Variants in ZER1 observed in about 807,000 individuals in gnomAD.
ZER1 encodes zyg-11 related cell cycle regulator.
A neutral mutation model predicts 78.8 loss-of-function variants in ZER1; 11 were observed. The ratio of observed to expected loss-of-function variants is 0.14; its 90% CI spans 0.09 to 0.23. The LOEUF (loss-of-function observed/expected upper bound fraction) is 0.23, where lower values mean the gene tolerates loss of function less well. ZER1 is among the 10% of genes least tolerant of loss of function. The pLI is 1.00. For synonymous variants in ZER1, 400 were observed against 407.0 expected (o/e 0.98, Z 0.21); for missense variants, 588 against 996.9 (o/e 0.59, Z 5.52).
rs975548104 is a variant in ZER1, at chr9:128,755,195, C to G, written c.158+213G>C. Among the ~76,000 whole-genome samples the G allele has an allele frequency of 2.6e-5, 4 of 152,096 alleles. No homozygotes were observed. Among genetic ancestry groups the G allele is most frequent in the African/African-American group, 9.7e-5 (4 of 41,398 alleles). On this transcript the variant is annotated intron_variant, in intron 2 of 15. Transcript: ENST00000291900. This position sits in a 1 kb window ranked among gnomAD's most constrained non-coding sequence, Gnocchi z 5.6. ...CACCCATGCCTTCACGTGCACACCC[C>G]TCCACACACACACCAACACACACAC...
At chr9:128,768,985 C>T (rs889917850) in intron 1 of ZER1, among the ~76,000 whole-genome samples, 1 of 151,956 alleles carries the variant, frequency 6.6e-6, no homozygotes, top group Admixed American at 6.6e-5. Flanking sequence ...TCCCTATGTT[C>T]TCCAGACTGG....
chr9:128,747,834 G>T (rs1377262347), intron 8 of ZER1, among the ~76,000 whole-genome samples: 1 of 152,184 alleles, frequency 6.6e-6, no homozygotes, highest in Admixed American at 6.5e-5. Flanking sequence ...GGCCAGGCTG[G>T]TCTGGAACTC....
At chr9:128,733,719 T>C (rs1862921240) in intron 14 of ZER1, among the ~76,000 whole-genome samples, 191 bp from the exon 15 acceptor site, 1 of 151,294 alleles carries the variant, frequency 6.6e-6, no homozygotes, top group South Asian at 2.1e-4. Context: ...TGCGTCCATG[T>C]AGGGGAGGCA....
chr9:128,734,846 G>GTTTTTTTTT (rs71497406), intron 14 of ZER1, among the ~76,000 whole-genome samples: 1 of 142,932 alleles, frequency 7.0e-6, no homozygotes, highest in African/African-American at 2.5e-5. Context: ...GATGGTATGT[G>GTTTTTTTTT]TTTTTTTTTT....
At chr9:128,757,355 C>CA (rs973250601) in intron 1 of ZER1, among the ~76,000 whole-genome samples, 2 of 151,738 alleles carry the variant, frequency 1.3e-5, no homozygotes, top group African/African-American at 4.8e-5. Flanking sequence ...CCTGTCTCTA[C>CA]AAAAAATACA....
Position 128,751,416 on chromosome 9 carries a change from G to A in ZER1, c.1035C>T (p.Tyr345=), listed in dbSNP as rs1863674445. 6.2e-7 allele frequency: 1 copy of A among 1,614,098 alleles called. No homozygotes were observed. Among genetic ancestry groups the A allele is most frequent in the East Asian group, 2.2e-5 (1 of 44,866 alleles). ...SLCRLTHIPA[Y]KVSGDKNEEQ... ...CCATCCCACTTCCACTGCTCACTTT[G>A]TAGGCTGGAATGTGCGTGAGGCGGC... is the stretch of plus-strand genomic sequence containing the variant. Residue 345 remains tyrosine, a synonymous_variant, in exon 6 of 16, where the codon TAC becomes TAT. Coordinates refer to ENST00000291900, the MANE Select transcript of ZER1 (RefSeq NM_006336.4). The surrounding 1 kb of genome is among the most constrained non-coding windows in gnomAD (Gnocchi z 5.4).
At chr9:128,768,639 T>A (rs1016057199) in intron 1 of ZER1, among the ~76,000 whole-genome samples, 8 of 152,166 alleles carry the variant, frequency 5.3e-5, no homozygotes, top group African/African-American at 1.9e-4. Context: ...CCTTTCATTT[T>A]CAAATTCTCT....
chr9:128,733,986 G>A lies in ZER1; in HGVS notation c.2141-458C>T, dbSNP rs1272062148. Among the ~76,000 whole-genome samples, 6 of 124,936 alleles carry A rather than the reference G, an allele frequency of 4.8e-5. No homozygotes were observed. In the East Asian group the frequency reaches 1.4e-3, roughly 30 times the overall value. 82.0% of individuals were successfully genotyped at this position (124,936 alleles called of 152,430 possible). On this transcript the variant is annotated intron_variant, in intron 14 of 15. Coordinates refer to ENST00000291900, the MANE Select transcript of ZER1 (RefSeq NM_006336.4). ...CTACTAAAAATACAAAAATTAGCCA[G>A]GCATGGTGGCGGGCGCCTGTAGTCC... is the stretch of plus-strand genomic sequence containing the variant.
Position 128,732,559 on chromosome 9 carries a change from G to T in ZER1, c.2243+867C>A, listed in dbSNP as rs977054929. 6.6e-6 allele frequency among the ~76,000 whole-genome samples: 1 copy of T among 152,038 alleles called. No homozygotes were observed. The highest frequency in any genetic ancestry group is 2.4e-5 in the African/African-American group (1 of 41,364). The stretch of plus-strand genomic sequence containing the variant: ...TAATTTTTGTATTTTTAGTAGAGAC[G>T]GGGTTTTACCATGTTAGCCAGGTCT... On this transcript the variant is annotated intron_variant, in intron 15 of 15. Transcript: ENST00000291900. This position sits in a 1 kb window ranked among gnomAD's most constrained non-coding sequence, Gnocchi z 4.8.
chr9:128,736,058 C>T (rs1452907456), intron 13 of ZER1, among the ~76,000 whole-genome samples: 1 of 151,866 alleles, frequency 6.6e-6, no homozygotes, highest in Non-Finnish European at 1.5e-5. Flanking sequence ...ACGCCATTCT[C>T]CTGCCTCAGC....
At chr9:128,760,427 C>A (rs547276289) in intron 1 of ZER1, among the ~76,000 whole-genome samples, 1 of 152,214 alleles carries the variant, frequency 6.6e-6, no homozygotes, top group African/African-American at 2.4e-5. Flanking sequence ...TGGTCTCAAT[C>A]TCCTGACCTT....
intron 11 of ZER1, 38 bp downstream of exon 11, chr9:128,741,485 GGGCCATGTGGGC>G: frequency 6.2e-7 from 1 of 1,613,440 alleles, no homozygotes; most frequent in Non-Finnish European, 8.5e-7. Flanking sequence ...GACAGAAGAG[GGGCCATGTGGGC>G]AGCTGAGGCA....
In ZER1 at chr9:128,759,172, GT is replaced by G. The variant is rs886843182; in HGVS notation, c.-94-3514del. Among the ~76,000 whole-genome samples, 70 of 142,492 alleles carry G rather than the reference GT, an allele frequency of 4.9e-4. No homozygotes were observed. In the South Asian group the frequency reaches 6.4e-3, roughly 13 times the overall value. The allele number at this position is 142,492 out of a possible 152,430, so 93.5% of individuals were successfully genotyped here. A position where few individuals can be genotyped will look rare whatever the true frequency, so the allele number is the denominator to read the frequency against. On this transcript the variant is annotated intron_variant, in intron 1 of 15. Coordinates refer to ENST00000291900, the MANE Select transcript of ZER1 (RefSeq NM_006336.4). ...CCACCGCGCCCAGCCAGTGAATATT[GT>G]TTTTTTTTTTCTTTTGAGACGGAGT...
chr9:128,735,472 T>TG (rs752797007), intron 13 of ZER1, 41 bp from the exon 14 acceptor site: 57 of 1,576,920 alleles, frequency 3.6e-5, no homozygotes, highest in Non-Finnish European at 4.7e-5. Context: ...ATGCTGAGGG[T>TG]GGGGAGTGTG....
chr9:128,758,622 T>C (rs1863939476), intron 1 of ZER1, among the ~76,000 whole-genome samples: 1 of 151,822 alleles, frequency 6.6e-6, no homozygotes, highest in African/African-American at 2.4e-5. Flanking sequence ...TTTTGTTTTG[T>C]AGAGACAAGA....
chr9:128,760,225 C>A (rs749978885), intron 1 of ZER1, among the ~76,000 whole-genome samples: 2 of 151,566 alleles, frequency 1.3e-5, no homozygotes, highest in Non-Finnish European at 2.9e-5. Context: ...TTTTTTGAGA[C>A]GGAGTCTTGT....
rs1169513032 is a variant in ZER1 at position 128,741,671 on chromosome 9, G to A, written c.1618-17C>T. On this transcript the variant is annotated splice_polypyrimidine_tract_variant and intron_variant, in intron 10 of 15. Coordinates refer to ENST00000291900, the MANE Select transcript of ZER1 (RefSeq NM_006336.4). ...CTGGTCACACTGTGAGGGCAGGGCA[G>A]GGCTCAGCCAAGGCTCCTGGTACCC... The A allele has an allele frequency of 1.9e-6, 3 of 1,614,024 alleles. No homozygotes were observed. The highest frequency in any genetic ancestry group is 1.3e-5 in the African/African-American group (1 of 74,930).
rs759964311 is a variant in ZER1, at chr9:128,751,443, C to T, written c.1008G>A (p.Leu336=). The T allele has an allele frequency of 2.5e-6, 4 of 1,614,144 alleles. No homozygotes were observed. The highest frequency in any genetic ancestry group is 4.5e-5 in the East Asian group (2 of 44,872). The change falls in exon 6 of 16, where the codon CTG becomes CTA. Residue 336 remains leucine (L), a synonymous_variant. Transcript: ENST00000291900. The surrounding 1 kb of genome is among the most constrained non-coding windows in gnomAD (Gnocchi z 5.4). ...LQFLGLFENS[L]CRLTHIPAYK... ...AGGCTGGAATGTGCGTGAGGCGGCA[C>T]AGAGAGTTCTCAAAGAGCCCGAGGA...
chr9:128,737,283 C>T (rs1392308466), intron 13 of ZER1, among the ~76,000 whole-genome samples: 1 of 152,110 alleles, frequency 6.6e-6, no homozygotes, highest in African/African-American at 2.4e-5. Context: ...CCGCATCCGG[C>T]CTGTGACTGC....
Sources: gnomAD v4.1 joint callset for allele counts (sites outside exome capture counted in the v4.1 genomes callset) on GRCh38, gnomAD v4.1.1 for gene constraint, Gnocchi (gnomAD v3.1) non-coding constraint, MANE v1.5 for transcripts, NCBI Gene and HGNC (gene_info 2026-07-23, HGNC 2026-07-21) for gene names.